The following RAD51AP1 variants were observed in gnomAD, a reference collection of about 807,000 sequenced individuals.
RAD51AP1 encodes RAD51-associated protein 1.
In RAD51AP1, 14 loss-of-function variants were observed where a neutral mutation model predicts 34.3. The observed-to-expected ratio is 0.41, with a 90% CI of 0.27 to 0.64. RAD51AP1 has a LOEUF of 0.64. RAD51AP1 is among the 30% of genes least tolerant of loss of function. RAD51AP1 has a pLI of 0.33. For synonymous variants in RAD51AP1, 114 were observed against 129.8 expected (o/e 0.88, Z 0.83); for missense variants, 348 against 386.9 (o/e 0.90, Z 0.84).
chr12:4,547,832 G>C (rs1317208800), intron 4 of RAD51AP1, among the ~76,000 whole-genome samples: 1 of 152,136 alleles, frequency 6.6e-6, no homozygotes, highest in Admixed American at 6.6e-5. Flanking sequence ...TTATAGATGA[G>C]GAAATTCAGT....
At chr12:4,557,773 C>T (rs1176900508) in intron 8 of RAD51AP1, among the ~76,000 whole-genome samples, 1 of 152,004 alleles carries the variant, frequency 6.6e-6, no homozygotes, top group East Asian at 1.9e-4. Context: ...GTGAATTGGG[C>T]CCATGCAGTA....
At chr12:4,542,722 T>C (rs1944476577) in intron 2 of RAD51AP1, among the ~76,000 whole-genome samples, 1 of 152,200 alleles carries the variant, frequency 6.6e-6, no homozygotes, top group Non-Finnish European at 1.5e-5. Context: ...GAGTATGTGA[T>C]GAAGACTGCA....
chr12:4,538,964 G>C lies in RAD51AP1; in HGVS notation c.17+8G>C, dbSNP rs1944428370. ...CATGGTGCGGCCTGTGAGGTGGGTA[G>C]TTCCTGACATTCGTCGGGGGTGGGA... is the stretch of plus-strand genomic sequence containing the variant. On this transcript the variant is annotated splice_region_variant and intron_variant, in intron 1 of 8. Transcript: ENST00000352618. 6.2e-7 allele frequency: 1 copy of C among 1,610,262 alleles called. No homozygotes were observed. The highest frequency in any genetic ancestry group is 8.5e-7 in the Non-Finnish European group (1 of 1,176,596).
intron 7 of RAD51AP1, among the ~76,000 whole-genome samples, chr12:4,554,411 T>C (rs1944568484): frequency 6.6e-6 from 1 of 152,250 alleles, no homozygotes; most frequent in Non-Finnish European, 1.5e-5. Flanking sequence ...CCCTTTGCCA[T>C]GTAAGGTAAC....
chr12:4,549,395 A>G (rs60119908), intron 6 of RAD51AP1, among the ~76,000 whole-genome samples: 5,530 of 152,310 alleles, frequency 0.036, 323 homozygotes, highest in African/African-American at 0.12. Context: ...TTAAATTCAT[A>G]AATTCATAAA....
At chr12:4,554,986 C>T (rs1296192142) in intron 7 of RAD51AP1, among the ~76,000 whole-genome samples, 1 of 152,112 alleles carries the variant, frequency 6.6e-6, no homozygotes, top group Non-Finnish European at 1.5e-5. Context: ...CCATATTGGA[C>T]AGCACAAAAC....
intron 6 of RAD51AP1, among the ~76,000 whole-genome samples, chr12:4,550,915 C>T (rs925206751): frequency 1.3e-5 from 2 of 152,114 alleles, no homozygotes; most frequent in African/African-American, 4.8e-5. Context: ...GTTGGGATTA[C>T]AGAGGTGAAC....
intron 4 of RAD51AP1, 55 bp from the exon 5 acceptor site, chr12:4,548,037 A>G (rs7314915): frequency 1.3e-6 from 2 of 1,510,346 alleles, no homozygotes; most frequent in Admixed American, 2.3e-5. Context: ...ATTTTCCTAT[A>G]TCTAGACATT....
At chr12:4,541,209 T>A (rs767187134) in intron 1 of RAD51AP1, among the ~76,000 whole-genome samples, 2 of 152,166 alleles carry the variant, frequency 1.3e-5, no homozygotes, top group Non-Finnish European at 1.5e-5. Context: ...AGATTTGGGA[T>A]GCTCAGCTGG....
At position 4,543,920 on chromosome 12, in the gene RAD51AP1, T is replaced by C. The variant is rs1944487438; in HGVS notation, c.209+16T>C. 6.3e-7 allele frequency: 1 copy of C among 1,590,630 alleles called. No homozygotes were observed. The highest frequency in any genetic ancestry group is 1.4e-5 in the African/African-American group (1 of 73,704). ...CTAAAAAAAGGTGAGAGGTAAGACA[T>C]GCAGTAAATATATGACATTAGATGT... On this transcript the variant is annotated intron_variant, in intron 3 of 8. Coordinates refer to ENST00000352618, the MANE Select transcript of RAD51AP1 (RefSeq NM_006479.5).
chr12:4,558,087 A>G (rs918297926), intron 8 of RAD51AP1, among the ~76,000 whole-genome samples: 1 of 152,064 alleles, frequency 6.6e-6, no homozygotes, highest in East Asian at 1.9e-4. Context: ...GGAGAAGACC[A>G]CCAAGACCCC....
chr12:4,545,196 C>T, intron 3 of RAD51AP1: 1 of 452,556 alleles, frequency 2.2e-6, no homozygotes, highest in South Asian at 1.6e-5. Flanking sequence ...AATGTGGTTT[C>T]CACAAAATGG....
At chr12:4,550,130 C>T (rs1315133382) in intron 6 of RAD51AP1, among the ~76,000 whole-genome samples, 3 of 152,118 alleles carry the variant, frequency 2.0e-5, no homozygotes, top group African/African-American at 4.8e-5. Flanking sequence ...CCAGATTTTC[C>T]TCTATGGGAT....
At chr12:4,558,439 A>G (rs183147309) in intron 8 of RAD51AP1, among the ~76,000 whole-genome samples, 238 of 152,336 alleles carry the variant, frequency 1.6e-3, no homozygotes, top group African/African-American at 5.4e-3. Context: ...ATAAATAACA[A>G]TATTTGCCAT....
intron 8 of RAD51AP1, among the ~76,000 whole-genome samples, chr12:4,558,582 C>T (rs935581505): frequency 7.2e-5 from 11 of 152,066 alleles, no homozygotes; most frequent in Admixed American, 3.9e-4. Context: ...TATGCCTTTA[C>T]AACTAGCATT....
Position 4,541,951 on chromosome 12 carries a change from T to C in RAD51AP1, c.67+18T>C. 6.7e-7 allele frequency: 1 copy of C among 1,487,576 alleles called. No individual in the cohort carries two copies. The allele number at this position is 1,487,576 out of a possible 1,614,324, so 92.1% of individuals were successfully genotyped here. On this transcript the variant is annotated intron_variant, in intron 2 of 8. Coordinates refer to ENST00000352618, the MANE Select transcript of RAD51AP1 (RefSeq NM_006479.5). ...CAGTGATGGTAAGTAAAGCTTCTTA[T>C]TTTTGTTCTAAAGATTTGGAAACTC... is the stretch of plus-strand genomic sequence containing the variant.
chr12:4,550,789 G>A (rs562193364), intron 6 of RAD51AP1, among the ~76,000 whole-genome samples: 69 of 152,268 alleles, frequency 4.5e-4, no homozygotes, highest in Non-Finnish European at 7.4e-4. Flanking sequence ...ACAGGCATGC[G>A]CCACCATGCC....
chr12:4,552,331 C>T (rs1944552531), intron 6 of RAD51AP1, among the ~76,000 whole-genome samples: 1 of 152,186 alleles, frequency 6.6e-6, no homozygotes, highest in Admixed American at 6.5e-5. Flanking sequence ...AGCTGTAGCA[C>T]TTTCAAAATT....
chr12:4,558,437 C>T (rs1036056272), intron 8 of RAD51AP1, among the ~76,000 whole-genome samples: 2 of 152,008 alleles, frequency 1.3e-5, no homozygotes, highest in African/African-American at 4.8e-5. Flanking sequence ...AAATAAATAA[C>T]AATATTTGCC....
Sources: gnomAD v4.1 joint callset for allele counts (sites outside exome capture counted in the v4.1 genomes callset) on GRCh38, gnomAD v4.1.1 for gene constraint, MANE v1.5 for transcripts, NCBI Gene and HGNC (gene_info 2026-07-23, HGNC 2026-07-21) for gene names.